SDK1: variants seen among roughly 807,000 people sequenced by gnomAD.
The protein encoded by SDK1 is protein sidekick-1.
In SDK1, 157 loss-of-function variants were observed where a neutral mutation model predicts 245.5. That is an observed-to-expected ratio of 0.64 (90% CI 0.56 to 0.73). SDK1 has a LOEUF of 0.73. SDK1 is among the 30% of genes least tolerant of loss of function. The pLI, the probability that SDK1 is intolerant of heterozygous loss-of-function variation, is 0.00. For missense variants in SDK1, 3,583 were observed against 3,002.3 expected, an observed-to-expected ratio of 1.19 and a Z score of -4.52; for synonymous variants, 1,647 against 1,278.5, an observed-to-expected ratio of 1.29 and a Z score of -6.15.
At chr7:3,870,782 C>T (rs973512448) in intron 5 of SDK1, among the ~76,000 whole-genome samples, 2 of 152,038 alleles carry the variant, frequency 1.3e-5, no homozygotes, top group East Asian at 1.9e-4. Context: ...CCCATTTTTC[C>T]ACTAATGTTT....
Position 4,114,250 on chromosome 7 carries a change from G to A in SDK1, c.3799G>A (p.Val1267Met), listed in dbSNP as rs751825930. ...CGGGGCTGGGCCGTGGAGCGAGGTGGTGCGGGGCCGGACGCGGGAGTCAGG... is the reference window on the plus strand; with the variant it reads ...CGGGGCTGGGCCGTGGAGCGAGGTGATGCGGGGCCGGACGCGGGAGTCAGG... ...AVGAGPWSEV[V>M]RGRTRESVPS... The change falls in exon 25 of 45, where the codon GTG (valine) becomes ATG (methionine). Residue 1267 changes from valine (V) to methionine (M), a missense_variant. By Grantham distance (21) the Val-to-Met change is conservative. Coordinates refer to ENST00000404826, the MANE Select transcript of SDK1 (RefSeq NM_152744.4). 9.9e-6 allele frequency: 16 copies of A among 1,610,418 alleles called. No homozygotes were observed. The highest frequency in any genetic ancestry group is 1.4e-5 in the Non-Finnish European group (16 of 1,178,932).
intron 5 of SDK1, among the ~76,000 whole-genome samples, chr7:3,942,624 T>G (rs1489148294): frequency 6.6e-6 from 1 of 152,220 alleles, no homozygotes; most frequent in Non-Finnish European, 1.5e-5. Context: ...TCTACAAGTT[T>G]TAGACCAATT....
At chr7:3,919,546 C>T (rs1779515085) in intron 5 of SDK1, among the ~76,000 whole-genome samples, 2 of 152,178 alleles carry the variant, frequency 1.3e-5, no homozygotes, top group Admixed American at 1.3e-4. Context: ...CCCTGGTGAA[C>T]TGAAAGATAG....
At chr7:3,627,378 A>G (rs1782154414) in intron 2 of SDK1, among the ~76,000 whole-genome samples, 1 of 152,174 alleles carries the variant, frequency 6.6e-6, no homozygotes, top group Admixed American at 6.5e-5. Flanking sequence ...CTGATCTGGG[A>G]CAATTCTGTG....
At chr7:3,816,640 G>A (rs1353560555) in intron 4 of SDK1, among the ~76,000 whole-genome samples, 1 of 152,066 alleles carries the variant, frequency 6.6e-6, no homozygotes, top group African/African-American at 2.4e-5. Context: ...GGACCAGATG[G>A]ATTCACAGCC....
In SDK1 at chr7:3,973,242, A is replaced by G. The variant is rs368041665; in HGVS notation, c.1818-1127A>G. On this transcript the variant is annotated intron_variant, in intron 12 of 44. Transcript: ENST00000404826. ...AGTCTATCCATCTCCCTCTTGTGGA[A>G]TCAGCCCTGTTCTATCTCAGGGTAA... 3.7e-4 allele frequency among the ~76,000 whole-genome samples: 57 copies of G among 152,308 alleles called. 1 individual carries two copies. In the South Asian group the frequency reaches 0.011, roughly 30 times the overall value.
chr7:3,457,815 T>C (rs776241627), intron 1 of SDK1, among the ~76,000 whole-genome samples: 56 of 152,216 alleles, frequency 3.7e-4, no homozygotes, highest in Non-Finnish European at 1.0e-4. Context: ...CCTGATTCCT[T>C]GGACTCCATG....
chr7:4,088,510 T>C (rs1336152047), intron 22 of SDK1, among the ~76,000 whole-genome samples: 1 of 152,164 alleles, frequency 6.6e-6, no homozygotes, highest in Non-Finnish European at 1.5e-5. Context: ...CCAGCCTGTA[T>C]TGGGTTAAGA....
At chr7:3,972,957 G>A (rs1583684701) in intron 12 of SDK1, among the ~76,000 whole-genome samples, 1 of 152,292 alleles carries the variant, frequency 6.6e-6, no homozygotes, top group East Asian at 1.9e-4. Context: ...TCAGGCCTCG[G>A]AAAGAGCTCC....
intron 1 of SDK1, among the ~76,000 whole-genome samples, chr7:3,365,717 C>A (rs925086448): frequency 2.0e-5 from 3 of 152,178 alleles, no homozygotes; most frequent in African/African-American, 7.2e-5. Context: ...AGACAGAACA[C>A]TGACTTTAGA....
At chr7:3,924,451 G>A (rs956433597) in intron 5 of SDK1, among the ~76,000 whole-genome samples, 1 of 152,154 alleles carries the variant, frequency 6.6e-6, no homozygotes, top group South Asian at 2.1e-4. Flanking sequence ...TCGTGGTGAC[G>A]GGGTGTGATC....
chr7:3,811,645 G>T (rs546941121), intron 4 of SDK1, among the ~76,000 whole-genome samples: 18 of 152,284 alleles, frequency 1.2e-4, no homozygotes, highest in Non-Finnish European at 2.6e-4. Flanking sequence ...CCATGGTGCT[G>T]GGAGTAGTCA....
intron 30 of SDK1, among the ~76,000 whole-genome samples, chr7:4,157,358 T>C (rs9297132): frequency 1.2e-5 from 1 of 80,450 alleles, no homozygotes; most frequent in Non-Finnish European, 2.5e-5. Flanking sequence ...GGAAGGAAAG[T>C]GGGAAGGGAG....
intron 1 of SDK1, among the ~76,000 whole-genome samples, chr7:3,584,706 T>A (rs2128633779): frequency 6.6e-6 from 1 of 150,614 alleles, no homozygotes; most frequent in East Asian, 2.0e-4. Context: ...CTTGCTGAAA[T>A]TGGGGTGACC....
intron 1 of SDK1, among the ~76,000 whole-genome samples, chr7:3,512,388 C>T (rs1453904425): frequency 6.6e-6 from 1 of 152,132 alleles, no homozygotes; most frequent in Non-Finnish European, 1.5e-5. Flanking sequence ...TGGTTGCTTC[C>T]AAGTTTTCGC....
At chr7:3,990,260 A>G (rs985146246) in intron 14 of SDK1, among the ~76,000 whole-genome samples, 1 of 152,230 alleles carries the variant, frequency 6.6e-6, no homozygotes, top group Non-Finnish European at 1.5e-5. Flanking sequence ...GAGTGAGGCC[A>G]GAGTCCAGGC....
intron 1 of SDK1, among the ~76,000 whole-genome samples, chr7:3,449,758 TC>T (rs1299395841): frequency 6.6e-6 from 1 of 152,240 alleles, no homozygotes; most frequent in Non-Finnish European, 1.5e-5. Context: ...GTTCATTTCT[TC>T]ATTCAGCCAA....
In SDK1 at chr7:3,557,097, A is replaced by G. The variant is rs569453284; in HGVS notation, c.299-61983A>G. On this transcript the variant is annotated intron_variant, in intron 1 of 44. Transcript: ENST00000404826. ...ATCCAGAACAAGCAGAAGGAAAGAGATAATAAAAGCAAAAGTCGACAAAAC... is the reference window on the plus strand; with the variant it reads ...ATCCAGAACAAGCAGAAGGAAAGAGGTAATAAAAGCAAAAGTCGACAAAAC... 6.2e-4 allele frequency among the ~76,000 whole-genome samples: 95 copies of G among 152,194 alleles called. 1 individual carries two copies. The highest frequency in any genetic ancestry group is 2.2e-3 in the African/African-American group (90 of 41,556).
chr7:3,874,595 C>T (rs1781029931), intron 5 of SDK1, among the ~76,000 whole-genome samples: 1 of 152,162 alleles, frequency 6.6e-6, no homozygotes, highest in African/African-American at 2.4e-5. Context: ...AGAACTCCTT[C>T]TCCACCCCCG....
Sources: allele counts gnomAD v4.1 joint callset (sites outside exome capture counted in the v4.1 genomes callset), GRCh38; gene constraint gnomAD v4.1.1; transcripts MANE v1.5; gene names NCBI Gene and HGNC (gene_info 2026-07-23, HGNC 2026-07-21).